Variants in TMTC3 observed in about 807,000 individuals in gnomAD.
TMTC3 encodes the protein transmembrane O-mannosyltransferase targeting cadherins 3.
In TMTC3, 52 loss-of-function variants were observed where a neutral mutation model predicts 92.2. The observed-to-expected ratio is 0.56, with a 90% confidence interval of 0.45 to 0.71. The LOEUF is 0.71. Ranked by LOEUF, TMTC3 falls within the 30% of genes least tolerant of loss-of-function variation. TMTC3 has a pLI of 0.00. For synonymous variants in TMTC3, 339 were observed against 363.3 expected (o/e 0.93, Z 0.76); for missense variants, 896 against 1,057.1 (o/e 0.85, Z 2.11).
intron 10 of TMTC3, among the ~76,000 whole-genome samples, chr12:88,186,847 C>T (rs1283373121): frequency 6.6e-6 from 1 of 152,000 alleles, no homozygotes; most frequent in African/African-American, 2.4e-5. Context: ...TCTTTGAAAA[C>T]ATAGGGCTGC....
intron 4 of TMTC3, among the ~76,000 whole-genome samples, chr12:88,158,794 G>A (rs1452620481): frequency 6.6e-6 from 1 of 152,228 alleles, no homozygotes; most frequent in South Asian, 2.1e-4. Context: ...GCTCACGCCT[G>A]TAATCCCAGC....
chr12:88,180,321 G>A lies in TMTC3; in HGVS notation c.1432+4002G>A, dbSNP rs1308616790. Among the ~76,000 whole-genome samples the A allele has an allele frequency of 2.0e-5, 3 of 152,112 alleles. No individual in the cohort carries two copies. In the East Asian group the frequency reaches 5.8e-4, roughly 29 times the overall value. On this transcript the variant is annotated intron_variant, in intron 10 of 13. Transcript: ENST00000266712. ...TCATTACTAAGGAACCCCACTGGGG[G>A]TATGTTAATCCCTCCTAGCCAAGCA...
rs1012898815 is a variant in TMTC3, at chr12:88,192,920, C to CT, written c.1933+93dup. The stretch of plus-strand genomic sequence containing the variant: ...TTAACTTTATTACCCATAGCAAACA[C>CT]TTTATGTATTGACAGTTTATAGCAA... On this transcript the variant is annotated intron_variant, in intron 13 of 13. Transcript: ENST00000266712. The CT allele has an allele frequency of 5.8e-5, 61 of 1,044,386 alleles. 1 individual carries two copies. The highest frequency in any genetic ancestry group is 6.3e-4 in the Middle Eastern group (2 of 3,186). The allele number at this position is 1,044,386 out of a possible 1,614,324, so 64.7% of individuals were successfully genotyped here.
intron 3 of TMTC3, 84 bp downstream of exon 3, chr12:88,153,593 GA>G (rs1035858214): frequency 0.013 from 7,122 of 535,130 alleles, 25 homozygotes; most frequent in African/African-American, 0.036. Context: ...ATATTTTTAA[GA>G]AAAAAAAAAA....
At position 88,154,299 on chromosome 12, in the gene TMTC3, T is replaced by A; in HGVS notation, c.420T>A (p.Val140=). Residue 140 remains valine (V), a synonymous_variant, in exon 4 of 14, where the codon GTT becomes GTA. Transcript: ENST00000266712. ...TTTTTCCTTTCTAGGTAACAGGAGT[T>A]GTTGGAAGAGCAGAACTTTTGTCAT... ...HPIHTEAVTG[V]VGRAELLSSI... is the part of the protein sequence containing the mutation. 1 of 1,604,978 alleles carries A rather than the reference T, an allele frequency of 6.2e-7. No individual in the cohort carries two copies. Among genetic ancestry groups the A allele is most frequent in the Non-Finnish European group, 8.5e-7 (1 of 1,177,546 alleles).
At chr12:88,150,535 G>A (rs767444741) in intron 2 of TMTC3, among the ~76,000 whole-genome samples, 6 of 152,118 alleles carry the variant, frequency 3.9e-5, no homozygotes, top group Non-Finnish European at 8.8e-5. Flanking sequence ...TAAGCAGATG[G>A]ACTAAGAAAA....
rs1048263179 is a variant in TMTC3 at position 88,142,435 on chromosome 12, G to A, written c.-81G>A. 3.9e-5 allele frequency: 6 copies of A among 152,670 alleles called. No homozygotes were observed. The highest frequency in any genetic ancestry group is 7.3e-5 in the Non-Finnish European group (5 of 68,418). The allele number at this position is 152,670 out of a possible 1,614,324, so 9.5% of individuals were successfully genotyped here. The stretch of plus-strand genomic sequence containing the variant: ...GTGGTTTCAGTGGCGTCACTCGCTG[G>A]GCTGCTCTTCCTGAGGTTTTCCTAA... On this transcript the variant is annotated 5_prime_UTR_variant, in exon 1 of 14. Transcript: ENST00000266712.
intron 10 of TMTC3, among the ~76,000 whole-genome samples, chr12:88,185,372 A>G (rs2041365518): frequency 6.6e-6 from 1 of 150,512 alleles, no homozygotes; most frequent in Non-Finnish European, 1.5e-5. Context: ...TTTACTCTGC[A>G]CAGTTATTTT....
Position 88,197,730 on chromosome 12 carries a change from ATAAT to A in TMTC3, c.*2083_*2086del, listed in dbSNP as rs1305206988. 1 of 152,078 alleles carries A rather than the reference ATAAT, an allele frequency of 6.6e-6. No homozygotes were observed. The highest frequency in any genetic ancestry group is 1.9e-4 in the East Asian group (1 of 5,198). The allele number at this position is 152,078 out of a possible 1,614,324, so 9.4% of individuals were successfully genotyped here. A position where few individuals can be genotyped will look rare whatever the true frequency, so the allele number is the denominator to read the frequency against. On this transcript the variant is annotated 3_prime_UTR_variant, in exon 14 of 14. Coordinates refer to ENST00000266712, the MANE Select transcript of TMTC3 (RefSeq NM_181783.4). Reference sequence around the variant, plus strand: ...AAGTGCTCATGTATTTGAATTTTAAATAATTTATTTAAATCAAGACCACCATAAG... The same window carrying A: ...AAGTGCTCATGTATTTGAATTTTAAATTATTTAAATCAAGACCACCATAAG...
chr12:88,159,708 A>C (rs1372400057), intron 4 of TMTC3, among the ~76,000 whole-genome samples: 1 of 151,968 alleles, frequency 6.6e-6, no homozygotes, highest in Non-Finnish European at 1.5e-5. Context: ...CAATACTTTT[A>C]AATTTTAAGT....
At position 88,148,474 on chromosome 12, in the gene TMTC3, A is replaced by G. The variant is rs756531026; in HGVS notation, c.159A>G (p.Gln53=). The G allele has an allele frequency of 3.1e-6, 5 of 1,611,652 alleles. No homozygotes were observed. Among genetic ancestry groups the G allele is most frequent in the Admixed American group, 1.7e-5 (1 of 59,704 alleles). Residue 53 remains glutamine, a synonymous_variant, in exon 2 of 14, where the codon CAA becomes CAG. Coordinates refer to ENST00000266712, the MANE Select transcript of TMTC3 (RefSeq NM_181783.4). The part of the protein sequence containing the change: ...HPSTPLKTLF[Q]NDFWGTPMSE... The stretch of plus-strand genomic sequence containing the variant: ...CTACACCTTTAAAAACTTTATTTCA[A>G]AATGACTTCTGGGGAACCCCTATGT...
chr12:88,160,649 G>A, intron 5 of TMTC3, 30 bp from the exon 6 acceptor site: 1 of 1,594,952 alleles, frequency 6.3e-7, no homozygotes, highest in South Asian at 1.1e-5. Flanking sequence ...GTCGTTATTT[G>A]TTGCTTAAAA....
At chr12:88,174,978 G>T (rs529746117) in intron 9 of TMTC3, among the ~76,000 whole-genome samples, 2 of 152,200 alleles carry the variant, frequency 1.3e-5, no homozygotes, top group East Asian at 3.9e-4. Flanking sequence ...AAGCTCAAAT[G>T]ACACAATGTT....
chr12:88,148,688 T>G (rs2040905214), intron 2 of TMTC3, among the ~76,000 whole-genome samples, 184 bp downstream of exon 2: 1 of 152,018 alleles, frequency 6.6e-6, no homozygotes, highest in African/African-American at 2.4e-5. Context: ...ATGAGTACTT[T>G]AAAGCAGTAC....
intron 13 of TMTC3, among the ~76,000 whole-genome samples, chr12:88,193,820 A>C (rs2041471259): frequency 6.6e-6 from 1 of 152,204 alleles, no homozygotes; most frequent in South Asian, 2.1e-4. Flanking sequence ...GATAATCATG[A>C]AGGATGCTCA....
chr12:88,161,296 A>G (rs1210035118), intron 6 of TMTC3, among the ~76,000 whole-genome samples: 1 of 152,164 alleles, frequency 6.6e-6, no homozygotes, highest in Non-Finnish European at 1.5e-5. Flanking sequence ...ATCTTGAGGA[A>G]CTGATCCCTT....
At chr12:88,189,388 G>A (rs1361063083) in intron 11 of TMTC3, among the ~76,000 whole-genome samples, 6 of 151,968 alleles carry the variant, frequency 3.9e-5, no homozygotes, top group African/African-American at 7.3e-5. Flanking sequence ...CACTGCGCCC[G>A]GCCGTAGCTC....
rs753536870 is a variant in TMTC3, at chr12:88,190,605, G to A, written c.1689G>A (p.Lys563=). ...RQAISMRPDF[K]QAYISRGELL... is the part of the protein sequence containing the mutation. ...CAATAAGCATGAGGCCCGACTTCAA[G>A]CAGGCTTACATTAGCAGGTATCCCA... The change falls in exon 12 of 14, where the codon AAG becomes AAA. Residue 563 remains lysine (K), a synonymous_variant. Transcript: ENST00000266712. The A allele has an allele frequency of 5.7e-5, 92 of 1,613,400 alleles. No homozygotes were observed. The highest frequency in any genetic ancestry group is 6.6e-5 in the Non-Finnish European group (78 of 1,179,684).
intron 10 of TMTC3, among the ~76,000 whole-genome samples, chr12:88,183,340 A>G (rs2041339540): frequency 1.3e-5 from 2 of 152,242 alleles, no homozygotes; most frequent in Admixed American, 1.3e-4. Flanking sequence ...TTATCTCTTT[A>G]TAAGTGCCGA....
Sources: allele counts gnomAD v4.1 joint callset (sites outside exome capture counted in the v4.1 genomes callset), GRCh38; gene constraint gnomAD v4.1.1; transcripts MANE v1.5; gene names NCBI Gene and HGNC (gene_info 2026-07-23, HGNC 2026-07-21).